The following CASP2 variants were observed in gnomAD, a reference collection of about 807,000 sequenced individuals.
CASP2 encodes the protein caspase 2.
A neutral mutation model predicts 54.4 loss-of-function variants in CASP2; 38 were observed. The ratio of observed to expected loss-of-function variants is 0.70; its 90% CI spans 0.54 to 0.92. CASP2 has a LOEUF of 0.92. Ranked by LOEUF, CASP2 falls within the 40% of genes least tolerant of loss-of-function variation. The pLI, the probability that CASP2 is intolerant of heterozygous loss-of-function variation, is 0.00. For missense variants in CASP2, 512 were observed against 579.6 expected (o/e 0.88, Z 1.20); for synonymous variants, 215 against 216.3 (o/e 0.99, Z 0.05).
rs4647318 is a variant in CASP2 at position 143,299,336 on chromosome 7, A to G, written c.748-587A>G. On this transcript the variant is annotated intron_variant, in intron 6 of 10. Coordinates refer to ENST00000310447, the MANE Select transcript of CASP2 (RefSeq NM_032982.4). ...ATTAATCTGAACCCAGGACCTGTGT[A>G]TGTAATTACTGCCCTGTACAGAATC... 1.7e-3 allele frequency among the ~76,000 whole-genome samples: 266 copies of G among 152,286 alleles called. 3 individuals carry two copies. The highest frequency in any genetic ancestry group is 6.2e-3 in the African/African-American group (257 of 41,556).
intron 1 of CASP2, among the ~76,000 whole-genome samples, chr7:143,288,994 G>C (rs1801473031): frequency 3.3e-5 from 5 of 152,212 alleles, no homozygotes; most frequent in Admixed American, 3.3e-4. Flanking sequence ...GCTTTGCATA[G>C]AATGACCAGA....
At chr7:143,288,895 C>T (rs1801469904) in intron 1 of CASP2, among the ~76,000 whole-genome samples, 1 of 152,242 alleles carries the variant, frequency 6.6e-6, no homozygotes, top group Non-Finnish European at 1.5e-5. Flanking sequence ...CATACTCTGT[C>T]TCCTTAAAAA....
At chr7:143,293,398 G>A (rs1474529288) in intron 4 of CASP2, among the ~76,000 whole-genome samples, 1 of 152,130 alleles carries the variant, frequency 6.6e-6, no homozygotes, top group African/African-American at 2.4e-5. Flanking sequence ...AAAGTGCTGG[G>A]ATTATAGGCG....
chr7:143,295,118 A>C lies in CASP2; in HGVS notation c.747+345A>C, dbSNP rs4647304. Among the ~76,000 whole-genome samples the C allele has an allele frequency of 2.4e-3, 360 of 150,838 alleles. 2 individuals carry two copies. The highest frequency in any genetic ancestry group is 0.01 in the Middle Eastern group (3 of 290). On this transcript the variant is annotated intron_variant, in intron 6 of 10. Coordinates refer to ENST00000310447, the MANE Select transcript of CASP2 (RefSeq NM_032982.4). ...TCTCGGCTCACTGCAACCTCTGCCT[A>C]CCAGGTTCAAGCGATTCTCCTGCCT...
chr7:143,302,808 C>CA (rs1473034301), intron 8 of CASP2: 1 of 152,132 alleles, frequency 6.6e-6, no homozygotes, highest in African/African-American at 2.4e-5. Flanking sequence ...ACAACATCAT[C>CA]AAAAATAAGA....
At chr7:143,289,813 AAAG>A (rs1442690079) in intron 1 of CASP2, among the ~76,000 whole-genome samples, 1 of 152,188 alleles carries the variant, frequency 6.6e-6, no homozygotes, top group African/African-American at 2.4e-5. Flanking sequence ...ATTACAGTAA[AAAG>A]AAGAAAAAAT....
At chr7:143,288,602 C>T in intron 1 of CASP2, 73 bp downstream of exon 1, 2 of 1,313,270 alleles carry the variant, frequency 1.5e-6, no homozygotes, top group Admixed American at 2.0e-5. Context: ...GGCGTGCGGC[C>T]CTGCAGCCCC....
intron 7 of CASP2, 65 bp from the exon 8 acceptor site, chr7:143,300,139 T>C (rs1413133968): frequency 4.2e-5 from 67 of 1,611,544 alleles, no homozygotes; most frequent in Middle Eastern, 1.6e-4. Context: ...TACTGTTGCA[T>C]GTGTAGGACT....
At chr7:143,297,462 T>G (rs997575738) in intron 6 of CASP2, among the ~76,000 whole-genome samples, 4 of 152,230 alleles carry the variant, frequency 2.6e-5, no homozygotes, top group Non-Finnish European at 5.9e-5. Context: ...TTTTTTTATT[T>G]TGAGATGGAG....
rs372179335 is a variant in CASP2 at position 143,292,664 on chromosome 7, C to T, written c.441C>T (p.Ser147=). 2.5e-6 allele frequency: 4 copies of T among 1,613,084 alleles called. No homozygotes were observed. Residue 147 remains serine, a synonymous_variant, in exon 4 of 11, where the codon TCC becomes TCT. Coordinates refer to ENST00000310447, the MANE Select transcript of CASP2 (RefSeq NM_032982.4). ...GTCTCCCTTTTCCGGTGTGTGAGTC[C>T]TGTCCCCTTTACAAGAAGCTCCGCC... The part of the protein sequence containing the change: ...DLSLPFPVCE[S]CPLYKKLRLS...
At chr7:143,304,601 T>C (rs766063602) in intron 9 of CASP2, 73 bp from the exon 10 acceptor site, 1 of 1,086,442 alleles carries the variant, frequency 9.2e-7, no homozygotes, top group Non-Finnish European at 1.4e-6. Flanking sequence ...GCAGGTGTCA[T>C]GGCCGAGTCT....
In CASP2 at chr7:143,292,417, G is replaced by A; in HGVS notation, c.343G>A (p.Glu115Lys). The change falls in exon 3 of 11, where the codon GAG becomes AAG. Residue 115 changes from glutamate (E) to lysine (K), a missense_variant. Around this residue, in one of 3 missense-constraint regions of CASP2, gnomAD observed 417 missense variants for 495.4 expected, o/e 0.84. Coordinates refer to ENST00000310447, the MANE Select transcript of CASP2 (RefSeq NM_032982.4). ...ALRETKQGHL[E>K]DMLLTTLSGL... ...GAGGGAGACCAAGCAAGGCCACCTG[G>A]AGGATATGTTGCTCACCACCCTTTC... 6.2e-7 allele frequency: 1 copy of A among 1,614,192 alleles called. No individual in the cohort carries two copies. Among genetic ancestry groups the A allele is most frequent in the Non-Finnish European group, 8.5e-7 (1 of 1,180,036 alleles).
Position 143,305,202 on chromosome 7 carries a change from T to C in CASP2, c.*131T>C. 1 of 1,195,896 alleles carries C rather than the reference T, an allele frequency of 8.4e-7. No homozygotes were observed. The highest frequency in any genetic ancestry group is 1.2e-6 in the Non-Finnish European group (1 of 827,516). The allele number at this position is 1,195,896 out of a possible 1,614,324, so 74.1% of individuals were successfully genotyped here. ...GATGTGGGAATCTCCCAGACTTGTT[T>C]CCTGTGCCCATCATCTCTGCCTTTG... is the stretch of plus-strand genomic sequence containing the variant. On this transcript the variant is annotated 3_prime_UTR_variant, in exon 11 of 11. Coordinates refer to ENST00000310447, the MANE Select transcript of CASP2 (RefSeq NM_032982.4).
chr7:143,292,007 T>C (rs981385337), intron 2 of CASP2, among the ~76,000 whole-genome samples: 1 of 151,796 alleles, frequency 6.6e-6, no homozygotes, highest in African/African-American at 2.4e-5. Flanking sequence ...GTCGATCTCC[T>C]GACCTCATGA....
intron 8 of CASP2, chr7:143,302,345 T>C (rs181811989): frequency 3.9e-5 from 6 of 152,328 alleles, no homozygotes; most frequent in Admixed American, 3.9e-4. Flanking sequence ...TCTGGATCTT[T>C]TGCTCTGTCT....
rs757926326 is a variant in CASP2, at chr7:143,294,318, C to G, written c.564C>G (p.Phe188Leu). 1.2e-6 allele frequency: 2 copies of G among 1,603,136 alleles called. No individual in the cohort carries two copies. Among genetic ancestry groups the G allele is most frequent in the South Asian group, 2.2e-5 (2 of 90,854 alleles). Residue 188 changes from phenylalanine (F) to leucine (L), a missense_variant, in exon 5 of 11, where the codon TTC (phenylalanine) becomes TTG (leucine). Around this residue, in one of 3 missense-constraint regions of CASP2, gnomAD observed 417 missense variants for 495.4 expected, o/e 0.84. Coordinates refer to ENST00000310447, the MANE Select transcript of CASP2 (RefSeq NM_032982.4). ...CTCCTGAATTTTATCAAACACACTT[C>G]CAGCTGGTGAGTTTTTGCATAATGA... is the stretch of plus-strand genomic sequence containing the variant. ...PCTPEFYQTH[F>L]QLAYRLQSRP...
At position 143,292,624 on chromosome 7, in the gene CASP2, G is replaced by C. The variant is rs1801609716; in HGVS notation, c.401G>C (p.Cys134Ser). 1.2e-6 allele frequency: 2 copies of C among 1,613,906 alleles called. No individual in the cohort carries two copies. Among genetic ancestry groups the C allele is most frequent in the Non-Finnish European group, 8.5e-7 (1 of 1,179,992 alleles). Residue 134 changes from cysteine to serine, a missense_variant, in exon 4 of 11, where the codon TGT (cysteine) becomes TCT (serine). Cys to Ser is a moderately radical substitution (Grantham distance 112). Transcript: ENST00000310447. ...GLQHVLPPLS[C>S]DYDLSLPFPV... ...AGTTTTGATTTCTTACAGTTGAGCT[G>C]TGACTACGACTTGAGTCTCCCTTTT...
chr7:143,295,390 T>C (rs1358394746), intron 6 of CASP2, among the ~76,000 whole-genome samples: 1 of 152,212 alleles, frequency 6.6e-6, no homozygotes, highest in African/African-American at 2.4e-5. Context: ...GTGGACCAGA[T>C]TTCTAGAAAT....
At position 143,300,005 on chromosome 7, in the gene CASP2, A is replaced by G. The variant is rs759986667; in HGVS notation, c.830A>G (p.His277Arg). Residue 277 changes from histidine to arginine, a missense_variant, in exon 7 of 11, where the codon CAT becomes CGT. His to Arg is a conservative substitution (Grantham distance 29, BLOSUM62 0). This residue lies in a region of CASP2 where 417 missense variants were observed against 495.4 expected (regional missense o/e 0.84). Coordinates refer to ENST00000310447, the MANE Select transcript of CASP2 (RefSeq NM_032982.4). ...TDSCIVALLS[H>R]GVEGAIYGVD... ...TCCTGCATCGTGGCACTCCTCTCGC[A>G]TGGTGTGGAGGGCGCCATCTATGGT... 4 of 1,614,036 alleles carry G rather than the reference A, an allele frequency of 2.5e-6. No homozygotes were observed. The highest frequency in any genetic ancestry group is 2.2e-5 in the East Asian group (1 of 44,870).
Sources: allele counts gnomAD v4.1 joint callset (sites outside exome capture counted in the v4.1 genomes callset), GRCh38; gene constraint gnomAD v4.1.1; regional missense constraint gnomAD v4.1.1; transcripts MANE v1.5; gene names NCBI Gene and HGNC (gene_info 2026-07-23, HGNC 2026-07-21).